The following CDKL5 variants were observed in gnomAD, a reference collection of about 807,000 sequenced individuals.
CDKL5 encodes cyclin dependent kinase like 5.
Under a neutral mutation model 61.7 loss-of-function variants are expected in CDKL5, and 8 were observed. The ratio of observed to expected loss-of-function variants is 0.13; its 90% CI spans 0.08 to 0.23. The LOEUF is 0.23. Ranked by LOEUF, CDKL5 falls within the 10% of genes least tolerant of loss-of-function variation. The pLI, the probability that CDKL5 is intolerant of heterozygous loss-of-function variation, is 1.00. For missense variants in CDKL5, 440 were observed against 734.5 expected (o/e 0.60, Z 4.63); for synonymous variants, 275 against 272.3 (o/e 1.01, Z -0.10).
chrX:18,539,385 A>G (rs1378029541), intron 3 of CDKL5, among the ~76,000 whole-genome samples: 1 of 112,091 alleles, frequency 8.9e-6, no homozygotes, highest in East Asian at 2.8e-4. Context: ...TGCATCCCAC[A>G]TATTTTGATA....
intron 1 of CDKL5, among the ~76,000 whole-genome samples, chrX:18,476,910 C>T (rs974106918): frequency 2.7e-5 from 3 of 111,391 alleles, no homozygotes; most frequent in Admixed American, 9.6e-5. Context: ...GCTGGGACTA[C>T]AGGCATGTGC....
chrX:18,429,021 A>C (rs1247562198), intron 1 of CDKL5, among the ~76,000 whole-genome samples: 1 of 110,115 alleles, frequency 9.1e-6, no homozygotes, highest in Non-Finnish European at 1.9e-5. Flanking sequence ...TGTGTAGAGC[A>C]GCGCATGGAT....
At chrX:18,556,442 A>G (rs1924604318) in intron 3 of CDKL5, among the ~76,000 whole-genome samples, 1 of 111,020 alleles carries the variant, frequency 9.0e-6, no homozygotes, top group Non-Finnish European at 1.9e-5. Flanking sequence ...TGGGTTTAAA[A>G]TCTCAGCTCT....
intron 4 of CDKL5, among the ~76,000 whole-genome samples, chrX:18,569,722 A>G (rs1281741628): frequency 1.8e-5 from 2 of 111,458 alleles, no homozygotes; most frequent in Non-Finnish European, 3.8e-5. Flanking sequence ...TATTTTTGAC[A>G]TACATTTGGA....
Position 18,497,533 on chromosome X carries a change from G to C in CDKL5, c.-162-9402G>C, listed in dbSNP as rs148313689. 4.6e-4 allele frequency among the ~76,000 whole-genome samples: 51 copies of C among 111,857 alleles called. No homozygotes were observed. The East Asian group carries it at 7.9e-3, about 17-fold the overall frequency. On this transcript the variant is annotated intron_variant, in intron 1 of 17. Transcript: ENST00000623535. Reference sequence around the variant, plus strand: ...GTTTAATGTGATACTGCAATGCTTTGTCTTTGATAAAAATTATTTTTTAAT... The same window carrying C: ...GTTTAATGTGATACTGCAATGCTTTCTCTTTGATAAAAATTATTTTTTAAT...
At chrX:18,531,700 C>CTTTTTT (rs200547617) in intron 3 of CDKL5, among the ~76,000 whole-genome samples, 1 of 107,855 alleles carries the variant, frequency 9.3e-6, no homozygotes, top group African/African-American at 3.5e-5. Flanking sequence ...TTCTTTTTTT[C>CTTTTTT]TTTTTTCTTT....
chrX:18,438,418 G>T (rs989754146), intron 1 of CDKL5, among the ~76,000 whole-genome samples: 11 of 110,866 alleles, frequency 9.9e-5, no homozygotes, highest in African/African-American at 3.6e-4. Flanking sequence ...AATGACTCTT[G>T]AGTGCTTGTG....
intron 3 of CDKL5, among the ~76,000 whole-genome samples, chrX:18,513,155 T>C (rs1394612968): frequency 8.9e-6 from 1 of 112,128 alleles, no homozygotes; most frequent in Non-Finnish European, 1.9e-5. Flanking sequence ...CCTCTATACT[T>C]TCATGTAACT....
At chrX:18,507,228 A>C in intron 2 of CDKL5, 68 bp downstream of exon 2, 1 of 700,753 alleles carries the variant, frequency 1.4e-6, no homozygotes, top group Non-Finnish European at 2.3e-6. Flanking sequence ...ACCACCAAAA[A>C]GTTACTAATT....
downstream of CDKL5, among the ~76,000 whole-genome samples, chrX:18,644,791 C>T (rs1395948622): frequency 2.7e-5 from 3 of 112,343 alleles, no homozygotes; most frequent in Non-Finnish European, 5.6e-5. Flanking sequence ...GGCCAGCTTC[C>T]GTTATACTTA....
intron 9 of CDKL5, chrX:18,588,396 A>G (rs1925712779): frequency 1.7e-5 from 5 of 299,607 alleles, no homozygotes; most frequent in Non-Finnish European, 2.9e-5. Context: ...TTTTTAGTGT[A>G]TACATTTTTA....
At position 18,507,107 on chromosome X, in the gene CDKL5, C is replaced by T; in HGVS notation, c.11C>T (p.Pro4Leu). The change falls in exon 2 of 18, where the codon CCT becomes CTT. Residue 4 changes from proline to leucine, a missense_variant. Pro to Leu is a moderately conservative substitution (Grantham distance 98). Coordinates refer to ENST00000623535, the MANE Select transcript of CDKL5 (RefSeq NM_001323289.2). MKI[P>L]NIGNVMNKFE... is the part of the protein sequence containing the mutation. ...GAGGAGTTTGTCTTCATGAAGATTC[C>T]TAACATTGGTAATGTGATGAATAAA... The T allele has an allele frequency of 2.5e-6, 3 of 1,198,692 alleles. No homozygotes were observed. The highest frequency in any genetic ancestry group is 2.3e-6 in the Non-Finnish European group (2 of 884,267).
chrX:18,593,129 A>G (rs1049821028), intron 9 of CDKL5, among the ~76,000 whole-genome samples: 3 of 112,218 alleles, frequency 2.7e-5, no homozygotes, highest in Non-Finnish European at 5.6e-5. Flanking sequence ...AACCTCACGC[A>G]TAGTGCTCAG....
intron 1 of CDKL5, among the ~76,000 whole-genome samples, chrX:18,462,929 C>A (rs1225945664): frequency 9.0e-6 from 1 of 110,903 alleles, no homozygotes; most frequent in Admixed American, 9.7e-5. Context: ...GAGGCTGAGG[C>A]AGGAGAATCG....
At position 18,650,539 on chromosome X, in the gene CDKL5, C is replaced by T. The variant is rs587783161; in HGVS notation, c.2927C>T (p.Pro976Leu). The change falls in exon 21 of 22, where the codon CCG (proline) becomes CTG (leucine). Residue 976 changes from proline to leucine, a missense_variant. Transcript: ENST00000379989. ...CAGGTCCGAGGCACTTCCATGTGCC[C>T]GACACTCCAGGTCCGAGGCACTGAT... The T allele has an allele frequency of 3.8e-5, 46 of 1,210,567 alleles. No homozygotes were observed. Among genetic ancestry groups the T allele is most frequent in the South Asian group, 8.8e-5 (5 of 56,879 alleles).
At chrX:18,643,365 A>G (rs969061228), downstream of CDKL5, among the ~76,000 whole-genome samples, 2 of 110,810 alleles carry the variant, frequency 1.8e-5, no homozygotes, top group South Asian at 3.9e-4. Context: ...CCGCAGTGGC[A>G]CCGCCCCACA....
chrX:18,540,942 C>T (rs1162437397), intron 3 of CDKL5, among the ~76,000 whole-genome samples: 1 of 111,822 alleles, frequency 8.9e-6, no homozygotes, highest in Admixed American at 9.5e-5. Flanking sequence ...CCGCCTCAGC[C>T]TTCCAAAGTG....
intron 3 of CDKL5, among the ~76,000 whole-genome samples, chrX:18,513,619 C>G (rs1273449401): frequency 9.0e-6 from 1 of 111,721 alleles, no homozygotes; most frequent in Non-Finnish European, 1.9e-5. Flanking sequence ...TTGCATGTGT[C>G]TAAAAAGATA....
intron 1 of CDKL5, among the ~76,000 whole-genome samples, chrX:18,466,122 G>C (rs991985162): frequency 9.0e-6 from 1 of 111,366 alleles, no homozygotes; most frequent in Non-Finnish European, 1.9e-5. Context: ...GTCATTCCTA[G>C]CACTCATTTT....
Sources: allele counts gnomAD v4.1 joint callset (sites outside exome capture counted in the v4.1 genomes callset), GRCh38; gene constraint gnomAD v4.1.1; transcripts MANE v1.5; gene names NCBI Gene and HGNC (gene_info 2026-07-23, HGNC 2026-07-21).